The following SEMA3E variants were observed in gnomAD, a reference collection of about 807,000 sequenced individuals.
The protein encoded by SEMA3E is semaphorin 3E, also known as semaphorin-3E.
Under a neutral mutation model 93.6 loss-of-function variants are expected in SEMA3E, and 49 were observed. That is an observed-to-expected ratio of 0.52 (90% confidence interval 0.42 to 0.66). The LOEUF (loss-of-function observed/expected upper bound fraction) is 0.66, where lower values mean the gene tolerates loss of function less well. SEMA3E is among the 30% of genes least tolerant of loss of function. The pLI is 0.00. For missense variants in SEMA3E, 906 were observed against 964.8 expected (o/e 0.94, Z 0.81); for synonymous variants, 363 against 330.7 (o/e 1.10, Z -1.06).
chr7:83,483,538 A>T (rs1219445254), intron 2 of SEMA3E, among the ~76,000 whole-genome samples: 1 of 152,160 alleles, frequency 6.6e-6, no homozygotes, highest in African/African-American at 2.4e-5. Context: ...CAGACTGCCA[A>T]ATGAATCCAT....
chr7:83,622,375 G>A (rs74967698), intron 1 of SEMA3E, among the ~76,000 whole-genome samples: 63 of 152,314 alleles, frequency 4.1e-4, no homozygotes, highest in African/African-American at 1.3e-3. Context: ...CTTATACACT[G>A]TTAGTGGAAA....
chr7:83,462,432 CTT>C (rs1034446839), intron 4 of SEMA3E, among the ~76,000 whole-genome samples: 9 of 152,128 alleles, frequency 5.9e-5, no homozygotes, highest in African/African-American at 2.2e-4. Flanking sequence ...GGCTGAGACA[CTT>C]TAACTAAATT....
chr7:83,548,455 A>T, intron 1 of SEMA3E, among the ~76,000 whole-genome samples: 1 of 151,934 alleles, frequency 6.6e-6, no homozygotes, highest in East Asian at 1.9e-4. Context: ...ATTATACATG[A>T]CTCTGAGACT....
rs56867715 is a variant in SEMA3E at position 83,363,860 on chromosome 7, A to ATT, written c.*3724_*3725dup. ...GGCTACAGGTGTCACAGGTCAATTC[A>ATT]TTTTTTTTTTTTTTTTTTTTTTTTT... is the stretch of plus-strand genomic sequence containing the variant. On this transcript the variant is annotated 3_prime_UTR_variant, in exon 17 of 17. Transcript: ENST00000643230. The ATT allele has an allele frequency of 1.0e-4, 8 of 76,964 alleles. No homozygotes were observed. Among genetic ancestry groups the ATT allele is most frequent in the African/African-American group, 4.0e-4 (8 of 20,108 alleles). The allele number at this position is 76,964 out of a possible 1,614,324, so 4.8% of individuals were successfully genotyped here.
rs368006308 is a variant in SEMA3E, at chr7:83,417,017, GGAGA to G, written c.550+1369_550+1372del. 5.3e-3 allele frequency among the ~76,000 whole-genome samples: 514 copies of G among 96,200 alleles called. 2 individuals carry two copies. The highest frequency in any genetic ancestry group is 0.018 in the African/African-American group (474 of 26,456). The allele number at this position is 96,200 out of a possible 152,430, so 63.1% of individuals were successfully genotyped here. ...CACACACACACACACACACACACAG[GGAGA>G]GAGAGAGAGAGAGAGAATTGGTAGA... On this transcript the variant is annotated intron_variant, in intron 5 of 16. Transcript: ENST00000643230.
chr7:83,640,673 A>C lies in SEMA3E; in HGVS notation c.115+7755T>G, dbSNP rs1161488610. Reference sequence around the variant, plus strand: ...TTATTGTGTTAAACAAAAATGAAACAAATATTGAAGGTACACAGAAGGCCA... The same window carrying C: ...TTATTGTGTTAAACAAAAATGAAACCAATATTGAAGGTACACAGAAGGCCA... On this transcript the variant is annotated intron_variant, in intron 1 of 16. Coordinates refer to ENST00000643230, the MANE Select transcript of SEMA3E (RefSeq NM_012431.3). Among the ~76,000 whole-genome samples, 3 of 152,378 alleles carry C rather than the reference A, an allele frequency of 2.0e-5. 1 individual carries two copies. The East Asian group carries it at 5.8e-4, about 29-fold the overall frequency.
chr7:83,537,861 C>T (rs1231746047), intron 1 of SEMA3E, among the ~76,000 whole-genome samples: 1 of 152,172 alleles, frequency 6.6e-6, no homozygotes, highest in Non-Finnish European at 1.5e-5. Flanking sequence ...TCCACCACCA[C>T]TGTCTTTTCC....
At position 83,647,985 on chromosome 7, in the gene SEMA3E, C is replaced by G. The variant is rs533294858; in HGVS notation, c.115+443G>C. Reference sequence around the variant, plus strand: ...CCTCCATTATGGAAACAAAACAAAACAAAAACAAAAAGAACAAATTGCACC... The same window carrying G: ...CCTCCATTATGGAAACAAAACAAAAGAAAAACAAAAAGAACAAATTGCACC... On this transcript the variant is annotated intron_variant, in intron 1 of 16. Transcript: ENST00000643230. 2.6e-5 allele frequency among the ~76,000 whole-genome samples: 4 copies of G among 152,114 alleles called. No homozygotes were observed. In the East Asian group the frequency reaches 7.7e-4, roughly 29 times the overall value.
In SEMA3E at chr7:83,367,577, C is replaced by T. The variant is rs1344078661; in HGVS notation, c.*9G>A. On this transcript the variant is annotated 3_prime_UTR_variant, in exon 17 of 17. Coordinates refer to ENST00000643230, the MANE Select transcript of SEMA3E (RefSeq NM_012431.3). ...AATTCTTCAAAAGACAGTAGATAGT[C>T]TCACCCCATCAGGAGTCCAGCGTGT... The T allele has an allele frequency of 6.2e-7, 1 of 1,613,542 alleles. No homozygotes were observed. Among genetic ancestry groups the T allele is most frequent in the Non-Finnish European group, 8.5e-7 (1 of 1,179,564 alleles).
intron 1 of SEMA3E, among the ~76,000 whole-genome samples, chr7:83,514,699 A>C (rs186152294): frequency 4.1e-4 from 63 of 152,264 alleles, no homozygotes; most frequent in African/African-American, 1.3e-3. Flanking sequence ...GAAGGAGAAA[A>C]ACATCCCTAT....
intron 1 of SEMA3E, among the ~76,000 whole-genome samples, chr7:83,634,452 C>T (rs1351280686): frequency 3.3e-5 from 5 of 152,040 alleles, no homozygotes; most frequent in African/African-American, 1.2e-4. Context: ...TTTGGGCATA[C>T]ACATTTTGGA....
At chr7:83,449,391 C>T (rs1562787376) in intron 4 of SEMA3E, among the ~76,000 whole-genome samples, 2 of 152,002 alleles carry the variant, frequency 1.3e-5, no homozygotes, top group Non-Finnish European at 2.9e-5. Flanking sequence ...TGAGCCACCT[C>T]AACTGGCCTA....
At chr7:83,469,556 C>A (rs1192244208) in intron 2 of SEMA3E, among the ~76,000 whole-genome samples, 2 of 151,942 alleles carry the variant, frequency 1.3e-5, no homozygotes, top group African/African-American at 4.8e-5. Flanking sequence ...AGTCTTGGCC[C>A]TTCAGAGGAC....
At position 83,376,737 on chromosome 7, in the gene SEMA3E, TTAC is replaced by T. The variant is rs1184249490; in HGVS notation, c.1875+8554_1875+8556del. 3.9e-5 allele frequency among the ~76,000 whole-genome samples: 6 copies of T among 152,024 alleles called. No individual in the cohort carries two copies. In the East Asian group the frequency reaches 9.6e-4, roughly 24 times the overall value. On this transcript the variant is annotated intron_variant, in intron 16 of 16. Transcript: ENST00000643230. ...TGTCAATATACATTCTTTTTTGCAT[TTAC>T]TACAATAAACATGCATATTTGTGCA... is the stretch of plus-strand genomic sequence containing the variant.
At position 83,392,545 on chromosome 7, in the gene SEMA3E, C is replaced by G. The variant is rs112706852; in HGVS notation, c.1667+10G>C. 6.2e-7 allele frequency: 1 copy of G among 1,612,538 alleles called. No individual in the cohort carries two copies. The highest frequency in any genetic ancestry group is 1.1e-5 in the South Asian group (1 of 91,052). ...GCAAGGGAAATAGTTAATCAGGTAG[C>G]ACGTCTCACCTTTTTGCATGTGTGC... is the stretch of plus-strand genomic sequence containing the variant. On this transcript the variant is annotated intron_variant, in intron 14 of 16. Transcript: ENST00000643230.
intron 1 of SEMA3E, among the ~76,000 whole-genome samples, chr7:83,528,990 C>T (rs1376765517): frequency 6.6e-6 from 1 of 152,002 alleles, no homozygotes; most frequent in Non-Finnish European, 1.5e-5. Context: ...AAAAATCTTC[C>T]AGACAAGGTC....
chr7:83,392,333 T>C (rs1788034707), intron 14 of SEMA3E, among the ~76,000 whole-genome samples: 1 of 152,060 alleles, frequency 6.6e-6, no homozygotes, highest in Non-Finnish European at 1.5e-5. Flanking sequence ...TTTAACTTTA[T>C]CTGAACTCGT....
Position 83,435,391 on chromosome 7 carries a change from C to T in SEMA3E, c.457-16908G>A, listed in dbSNP as rs557923854. 1.2e-4 allele frequency among the ~76,000 whole-genome samples: 18 copies of T among 152,080 alleles called. No individual in the cohort carries two copies. The East Asian group carries it at 1.8e-3, about 15-fold the overall frequency. On this transcript the variant is annotated intron_variant, in intron 4 of 16. Transcript: ENST00000643230. ...GGCAGATCACCTGAGGTCAGGAGTT[C>T]GAGACCAGCCTGGCCAACATGGTGA...
Position 83,648,535 on chromosome 7 carries a change from G to A in SEMA3E, c.8C>T (p.Ser3Phe). 6.2e-7 allele frequency: 1 copy of A among 1,613,014 alleles called. No homozygotes were observed. The highest frequency in any genetic ancestry group is 8.5e-7 in the Non-Finnish European group (1 of 1,179,390). ...GAGCAAGGTGATAATGTGCCCCGCG[G>A]ATGCCATGCTGCCGTGTTCACCGTC... is the stretch of plus-strand genomic sequence containing the variant. MA[S>F]AGHIITLLLW... The change falls in exon 1 of 17, where the codon TCC (serine) becomes TTC (phenylalanine). Residue 3 changes from serine (S) to phenylalanine (F), a missense_variant. Transcript: ENST00000643230.
Sources: gnomAD v4.1 joint callset for allele counts (sites outside exome capture counted in the v4.1 genomes callset) on GRCh38, gnomAD v4.1.1 for gene constraint, MANE v1.5 for transcripts, NCBI Gene and HGNC (gene_info 2026-07-23, HGNC 2026-07-21) for gene names.